DOCK7: variants seen among roughly 807,000 people sequenced by gnomAD.
DOCK7 encodes dedicator of cytokinesis 7.
A neutral mutation model predicts 271.0 loss-of-function variants in DOCK7; 138 were observed. The ratio of observed to expected loss-of-function variants is 0.51; its 90% CI spans 0.44 to 0.59. The LOEUF is 0.59. DOCK7 is among the 20% of genes least tolerant of loss of function. The pLI, the probability that DOCK7 is intolerant of heterozygous loss-of-function variation, is 0.00. For missense variants in DOCK7, 2,066 were observed against 2,592.4 expected (o/e 0.80, Z 4.41); for synonymous variants, 823 against 876.1 (o/e 0.94, Z 1.07).
chr1:62,573,865 ACTC>A (rs544923437), intron 18 of DOCK7, among the ~76,000 whole-genome samples: 40 of 152,046 alleles, frequency 2.6e-4, no homozygotes, highest in South Asian at 1.5e-3. Flanking sequence ...GTAAACTCGA[ACTC>A]CTGCTCCCAC....
intron 18 of DOCK7, among the ~76,000 whole-genome samples, chr1:62,562,527 T>C (rs12749263): frequency 0.2 from 30,437 of 152,048 alleles, 3,685 homozygotes; most frequent in Non-Finnish European, 0.27. Flanking sequence ...AAACATTTTT[T>C]CAGAAGTAAA....
chr1:62,686,825 A>G (rs990209914), intron 1 of DOCK7, among the ~76,000 whole-genome samples: 4 of 152,114 alleles, frequency 2.6e-5, no homozygotes, highest in Admixed American at 6.5e-5. Flanking sequence ...CATGCTCTTA[A>G]ACACTTGCTA....
intron 37 of DOCK7, among the ~76,000 whole-genome samples, chr1:62,498,808 T>C (rs80129990): frequency 6.9e-6 from 1 of 145,380 alleles, no homozygotes; most frequent in East Asian, 2.0e-4. Context: ...CATTTCTTTC[T>C]TTTTTTTTTT....
intron 1 of DOCK7, among the ~76,000 whole-genome samples, chr1:62,677,058 A>G (rs1380627179): frequency 1.3e-5 from 2 of 152,248 alleles, no homozygotes; most frequent in Non-Finnish European, 2.9e-5. Context: ...AAGTAATTAT[A>G]GTCATGTGGA....
At chr1:62,591,438 T>C (rs1232791014) in intron 14 of DOCK7, among the ~76,000 whole-genome samples, 1 of 152,062 alleles carries the variant, frequency 6.6e-6, no homozygotes, top group Admixed American at 6.5e-5. Context: ...TCTGTACAAC[T>C]AACCCCTGTA....
At chr1:62,572,954 C>T (rs372353334) in intron 18 of DOCK7, among the ~76,000 whole-genome samples, 4 of 152,144 alleles carry the variant, frequency 2.6e-5, no homozygotes, top group Non-Finnish European at 5.9e-5. Context: ...CCTTCATAAT[C>T]GCACACCTCT....
At chr1:62,610,940 T>C (rs1328839168) in intron 14 of DOCK7, among the ~76,000 whole-genome samples, 1 of 152,230 alleles carries the variant, frequency 6.6e-6, no homozygotes, top group African/African-American at 2.4e-5. Context: ...TGTGTCTTTA[T>C]AGTAGAATGA....
At chr1:62,662,933 G>A (rs908843257) in intron 2 of DOCK7, 92 bp downstream of exon 2, 16 of 957,502 alleles carry the variant, frequency 1.7e-5, no homozygotes, top group East Asian at 2.5e-5. Flanking sequence ...GACTAATGAC[G>A]GAACCCAATT....
chr1:62,554,925 T>C (rs897232298), intron 21 of DOCK7, among the ~76,000 whole-genome samples: 1 of 152,244 alleles, frequency 6.6e-6, no homozygotes, highest in African/African-American at 2.4e-5. Context: ...AGGTTACTAT[T>C]ATGTCTAGTG....
At chr1:62,462,234 C>G (rs1312856017) in intron 48 of DOCK7, among the ~76,000 whole-genome samples, 2 of 152,174 alleles carry the variant, frequency 1.3e-5, no homozygotes, top group African/African-American at 2.4e-5. Context: ...GATGTCAATT[C>G]TCTTCCAACT....
intron 21 of DOCK7, 36 bp downstream of exon 21, chr1:62,555,789 A>G (rs1296107276): frequency 1.3e-6 from 2 of 1,585,692 alleles, no homozygotes; most frequent in African/African-American, 2.7e-5. Context: ...CATATAATTT[A>G]TGAAAGACAG....
At chr1:62,634,991 C>A in intron 8 of DOCK7, 69 bp from the exon 9 acceptor site, 1 of 1,008,494 alleles carries the variant, frequency 9.9e-7, no homozygotes, top group Non-Finnish European at 1.4e-6. Context: ...TAAAAGAAAG[C>A]TGCTTCTGCT....
intron 1 of DOCK7, 27 bp from the exon 2 acceptor site, chr1:62,663,157 G>C (rs375709665): frequency 3.8e-5 from 55 of 1,436,060 alleles, no homozygotes; most frequent in Non-Finnish European, 5.2e-5. Context: ...AAAAACATAC[G>C]CATTATTGAA....
chr1:62,498,212 G>A (rs1646678846), intron 37 of DOCK7, among the ~76,000 whole-genome samples: 1 of 152,126 alleles, frequency 6.6e-6, no homozygotes, highest in African/African-American at 2.4e-5. Flanking sequence ...GGGCAACAGA[G>A]TAAGACCTCA....
At chr1:62,601,607 A>G (rs1044397031) in intron 14 of DOCK7, among the ~76,000 whole-genome samples, 1 of 151,728 alleles carries the variant, frequency 6.6e-6, no homozygotes, top group Non-Finnish European at 1.5e-5. Context: ...TGATTCTTAC[A>G]TTCTTAAATA....
chr1:62,571,293 AC>A, intron 18 of DOCK7, among the ~76,000 whole-genome samples: 1 of 152,224 alleles, frequency 6.6e-6, no homozygotes, highest in Non-Finnish European at 1.5e-5. Context: ...CAACAAACAT[AC>A]GAAAAAAAGC....
intron 16 of DOCK7, among the ~76,000 whole-genome samples, chr1:62,581,912 T>A (rs2149490152): frequency 6.6e-6 from 1 of 152,266 alleles, no homozygotes; most frequent in South Asian, 2.1e-4. Context: ...CAGAAGCTTC[T>A]TTTTGAGAAT....
intron 4 of DOCK7, among the ~76,000 whole-genome samples, chr1:62,651,746 C>T (rs1374153191): frequency 6.6e-6 from 1 of 152,102 alleles, no homozygotes; most frequent in Non-Finnish European, 1.5e-5. Context: ...ACTTACAGAT[C>T]TTAATCTGTG....
chr1:62,645,815 T>C (rs574423878), intron 7 of DOCK7, among the ~76,000 whole-genome samples: 1 of 152,176 alleles, frequency 6.6e-6, no homozygotes, highest in East Asian at 1.9e-4. Context: ...CAAAAAGTGG[T>C]GTATCCACAC....
Sources: allele counts gnomAD v4.1 joint callset (sites outside exome capture counted in the v4.1 genomes callset), GRCh38; gene constraint gnomAD v4.1.1; transcripts MANE v1.5; gene names NCBI Gene and HGNC (gene_info 2026-07-23, HGNC 2026-07-21).